SLC4A5: variants seen among roughly 807,000 people sequenced by gnomAD.
SLC4A5 encodes the protein electrogenic sodium bicarbonate cotransporter 4.
Under a neutral mutation model 120.4 loss-of-function variants are expected in SLC4A5, and 96 were observed. The ratio of observed to expected loss-of-function variants is 0.80; its 90% CI spans 0.68 to 0.94. SLC4A5 has a LOEUF of 0.94. SLC4A5 is among the 40% of genes least tolerant of loss of function. SLC4A5 has a pLI of 0.00. For synonymous variants in SLC4A5, 550 were observed against 571.1 expected, an observed-to-expected ratio of 0.96 and a Z score of 0.53; for missense variants, 1,259 against 1,459.5, an observed-to-expected ratio of 0.86 and a Z score of 2.24.
chr2:74,333,197 T>G (rs1397675147), intron 4 of SLC4A5, among the ~76,000 whole-genome samples: 3 of 152,200 alleles, frequency 2.0e-5, no homozygotes, highest in Non-Finnish European at 4.4e-5. Flanking sequence ...TGGTCAGAAA[T>G]GCTGCTAACG....
intron 8 of SLC4A5, among the ~76,000 whole-genome samples, chr2:74,274,515 AG>A (rs1291793111): frequency 6.6e-6 from 1 of 152,252 alleles, no homozygotes; most frequent in East Asian, 1.9e-4. Flanking sequence ...TAAAAGACTG[AG>A]GGGGCAGGCA....
chr2:74,291,503 T>C (rs1024912529), intron 7 of SLC4A5, among the ~76,000 whole-genome samples: 2 of 152,194 alleles, frequency 1.3e-5, no homozygotes, highest in African/African-American at 2.4e-5. Context: ...ATAGGCCCCC[T>C]AGGCCCCAAC....
At position 74,226,813 on chromosome 2, in the gene SLC4A5, T is replaced by C. The variant is rs1272137389; in HGVS notation, c.3090+144A>G. 23 of 928,202 alleles carry C rather than the reference T, an allele frequency of 2.5e-5. No individual in the cohort carries two copies. The East Asian group carries it at 3.7e-4, about 15-fold the overall frequency. The allele number at this position is 928,202 out of a possible 1,614,324, so 57.5% of individuals were successfully genotyped here. On this transcript the variant is annotated intron_variant, in intron 27 of 30. Transcript: ENST00000394019. Reference sequence around the variant, plus strand: ...TGGACTCACAACTCAAATCAGGTCATTCTGTGCCAGCCTCCGTGACCCGAG... The same window carrying C: ...TGGACTCACAACTCAAATCAGGTCACTCTGTGCCAGCCTCCGTGACCCGAG...
At chr2:74,264,522 C>G (rs75290153) in intron 9 of SLC4A5, among the ~76,000 whole-genome samples, 52 of 90,960 alleles carry the variant, frequency 5.7e-4, no homozygotes, top group East Asian at 3.0e-3. Flanking sequence ...GTGTGTGTGT[C>G]TGCTCTTTCT....
chr2:74,233,956 G>A (rs1322422330), intron 22 of SLC4A5, among the ~76,000 whole-genome samples: 2 of 152,174 alleles, frequency 1.3e-5, no homozygotes, highest in Non-Finnish European at 2.9e-5. Flanking sequence ...CCTCTCCTGA[G>A]TCACCTGTCT....
chr2:74,290,292 C>T (rs1558897553), intron 7 of SLC4A5: 1 of 985,550 alleles, frequency 1.0e-6, no homozygotes, highest in East Asian at 1.1e-4. Flanking sequence ...GTCGATGCTG[C>T]CTCTGGCCCC....
At chr2:74,240,661 C>T (rs1041373671) in intron 20 of SLC4A5, among the ~76,000 whole-genome samples, 1 of 151,424 alleles carries the variant, frequency 6.6e-6, no homozygotes, top group Non-Finnish European at 1.5e-5. Context: ...CCCAGCTACT[C>T]GAGAGGCTGA....
rs1020115950 is a variant in SLC4A5 at position 74,313,500 on chromosome 2, T to C, written c.79+1445A>G. Among the ~76,000 whole-genome samples, 4 of 152,256 alleles carry C rather than the reference T, an allele frequency of 2.6e-5. No individual in the cohort carries two copies. In the South Asian group the frequency reaches 8.3e-4, roughly 32 times the overall value. On this transcript the variant is annotated intron_variant, in intron 6 of 30. Coordinates refer to ENST00000394019, the Ensembl canonical transcript of SLC4A5. Reference sequence around the variant, plus strand: ...GGGTCAGGTTACTTGGATGTCAGTGTCCAAATCTGTCTAAAGTCCCAGCTC... The same window carrying C: ...GGGTCAGGTTACTTGGATGTCAGTGCCCAAATCTGTCTAAAGTCCCAGCTC...
At chr2:74,262,352 G>T in intron 10 of SLC4A5, 120 bp from the exon 11 acceptor site, 3 of 564,142 alleles carry the variant, frequency 5.3e-6, no homozygotes, top group South Asian at 3.3e-5. Flanking sequence ...TTCCCCTTCT[G>T]GGAAGAAATT....
intron 2 of SLC4A5, among the ~76,000 whole-genome samples, chr2:74,340,886 G>GT (rs1263377793): frequency 6.6e-6 from 1 of 152,160 alleles, no homozygotes; most frequent in African/African-American, 2.4e-5. Context: ...GATTGAAGTG[G>GT]TATCTTTAGG....
intron 5 of SLC4A5, among the ~76,000 whole-genome samples, chr2:74,317,017 C>T (rs771322864): frequency 6.6e-6 from 1 of 152,184 alleles, no homozygotes; most frequent in Non-Finnish European, 1.5e-5. Flanking sequence ...CATGTTTGTT[C>T]AATACACATG....
intron 22 of SLC4A5, among the ~76,000 whole-genome samples, 170 bp from the exon 23 acceptor site, chr2:74,233,733 A>G (rs1670175434): frequency 6.6e-6 from 1 of 152,200 alleles, no homozygotes; most frequent in African/African-American, 2.4e-5. Flanking sequence ...CTAAATTCAG[A>G]CATGGGAAGG....
intron 3 of SLC4A5, among the ~76,000 whole-genome samples, chr2:74,336,204 A>G (rs1035165060): frequency 5.3e-5 from 8 of 152,116 alleles, no homozygotes; most frequent in African/African-American, 1.9e-4. Flanking sequence ...AATATCTGGG[A>G]CTATAGGCAG....
intron 7 of SLC4A5, among the ~76,000 whole-genome samples, chr2:74,303,686 GAAGA>G (rs1439100093): frequency 6.6e-6 from 1 of 152,090 alleles, no homozygotes; most frequent in African/African-American, 2.4e-5. Context: ...TGTTGTCCTG[GAAGA>G]AAGCTTCCTA....
At chr2:74,227,419 G>C (rs563666310) in intron 26 of SLC4A5, 1 of 1,484,078 alleles carries the variant, frequency 6.7e-7, no homozygotes, top group African/African-American at 1.4e-5. Context: ...AACTGTTTAA[G>C]AATTCTGGGA....
intron 6 of SLC4A5, chr2:74,307,373 C>A: frequency 1.6e-6 from 1 of 620,538 alleles, no homozygotes; most frequent in Non-Finnish European, 3.0e-6. Context: ...CTTCGTGGTT[C>A]TTCTTCATGA....
At chr2:74,262,141 A>T in exon 11 of SLC4A5, 1 of 1,613,502 alleles carries the variant, frequency 6.2e-7, no homozygotes, top group Non-Finnish European at 8.5e-7. Context: ...ACTCACACAG[A>T]CGTCCGTAAT....
intron 6 of SLC4A5, among the ~76,000 whole-genome samples, chr2:74,306,311 C>T (rs1010928173): frequency 2.6e-4 from 40 of 152,130 alleles, no homozygotes; most frequent in African/African-American, 8.9e-4. Context: ...GAGATGTTAG[C>T]CCCAGGATAA....
intron 19 of SLC4A5, 102 bp downstream of exon 19, chr2:74,246,934 G>A (rs1320334032): frequency 3.4e-6 from 5 of 1,463,108 alleles, no homozygotes; most frequent in African/African-American, 2.8e-5. Context: ...GCCCTTGGCT[G>A]AATGGCCCCT....
Sources: gnomAD v4.1 joint callset for allele counts (sites outside exome capture counted in the v4.1 genomes callset) on GRCh38, gnomAD v4.1.1 for gene constraint, MANE v1.5 for transcripts, NCBI Gene and HGNC (gene_info 2026-07-23, HGNC 2026-07-21) for gene names.